Variants in SPIDR observed in about 807,000 individuals in gnomAD.
SPIDR encodes the protein DNA repair-scaffolding protein.
In SPIDR, 93 loss-of-function variants were observed where a neutral mutation model predicts 104.6. That is an observed-to-expected ratio of 0.89 (90% CI 0.75 to 1.06). The LOEUF is 1.06. SPIDR is among the 50% of genes least tolerant of loss of function. SPIDR has a pLI of 0.00. For missense variants in SPIDR, 1,154 were observed against 1,111.2 expected, an observed-to-expected ratio of 1.04 and a Z score of -0.55; for synonymous variants, 431 against 416.9, an observed-to-expected ratio of 1.03 and a Z score of -0.41.
At chr8:47,379,109 C>T (rs1462535233) in intron 5 of SPIDR, among the ~76,000 whole-genome samples, 3 of 152,108 alleles carry the variant, frequency 2.0e-5, no homozygotes, top group Non-Finnish European at 2.9e-5. Flanking sequence ...GTGGGGCCAG[C>T]GAGCAGAGCA....
chr8:47,526,212 G>A (rs966968137), intron 8 of SPIDR, among the ~76,000 whole-genome samples: 2 of 152,200 alleles, frequency 1.3e-5, no homozygotes, highest in African/African-American at 4.8e-5. Flanking sequence ...TTGCAATGAT[G>A]CCTGGGGTCA....
intron 7 of SPIDR, among the ~76,000 whole-genome samples, chr8:47,414,341 A>G (rs1007919373): frequency 1.3e-5 from 2 of 152,236 alleles, no homozygotes; most frequent in Non-Finnish European, 2.9e-5. Context: ...GTGGTCCAGA[A>G]TGAAGGGAGA....
intron 8 of SPIDR, among the ~76,000 whole-genome samples, chr8:47,583,698 A>AT (rs2059978370): frequency 6.6e-6 from 1 of 152,170 alleles, no homozygotes; most frequent in Non-Finnish European, 1.5e-5. Context: ...CAGAACATGA[A>AT]TTTTTTCTGC....
In SPIDR at chr8:47,617,606, A is replaced by G. The variant is rs79648658; in HGVS notation, c.1544+18410A>G. Among the ~76,000 whole-genome samples, 1,314 of 152,310 alleles carry G rather than the reference A, an allele frequency of 8.6e-3. 17 individuals carry two copies. The highest frequency in any genetic ancestry group is 0.023 in the South Asian group (109 of 4,822). On this transcript the variant is annotated intron_variant, in intron 10 of 19. Coordinates refer to ENST00000297423, the MANE Select transcript of SPIDR (RefSeq NM_001080394.4). ...CCTGTTGTAAGTTGCCTTTTGTTGC[A>G]AGTGTTAAATAGGATAATATATAAG...
intron 8 of SPIDR, among the ~76,000 whole-genome samples, chr8:47,571,248 A>C (rs960449953): frequency 6.6e-6 from 1 of 152,192 alleles, no homozygotes; most frequent in South Asian, 2.1e-4. Flanking sequence ...ATCTACAGTT[A>C]ATGTATATTT....
intron 7 of SPIDR, among the ~76,000 whole-genome samples, chr8:47,424,690 T>C (rs2066137732): frequency 6.6e-6 from 1 of 152,128 alleles, no homozygotes; most frequent in South Asian, 2.1e-4. Flanking sequence ...GAAGAACCAG[T>C]GATAACAAAG....
intron 7 of SPIDR, among the ~76,000 whole-genome samples, chr8:47,420,569 A>G (rs954278589): frequency 2.6e-5 from 4 of 152,010 alleles, no homozygotes; most frequent in Admixed American, 1.3e-4. Context: ...TCTTTATCCA[A>G]TTTGCCAGTC....
intron 8 of SPIDR, among the ~76,000 whole-genome samples, chr8:47,476,063 C>T (rs2076254464): frequency 2.6e-5 from 4 of 152,058 alleles, no homozygotes; most frequent in Admixed American, 2.6e-4. Context: ...TCAGGCAGGA[C>T]CAATTTAAGG....
intron 7 of SPIDR, among the ~76,000 whole-genome samples, chr8:47,433,197 T>C (rs1217131961): frequency 6.6e-6 from 1 of 152,156 alleles, no homozygotes; most frequent in African/African-American, 2.4e-5. Flanking sequence ...AAAGAATATC[T>C]AGAATCTGAG....
At chr8:47,568,362 T>C (rs2058138970) in intron 8 of SPIDR, among the ~76,000 whole-genome samples, 1 of 152,134 alleles carries the variant, frequency 6.6e-6, no homozygotes, top group African/African-American at 2.4e-5. Context: ...TCAGTAAATA[T>C]TAGTTGTTAT....
intron 4 of SPIDR, among the ~76,000 whole-genome samples, chr8:47,293,348 A>T (rs1477151725): frequency 6.6e-6 from 1 of 152,232 alleles, no homozygotes; most frequent in Non-Finnish European, 1.5e-5. Flanking sequence ...CTCTACAAAG[A>T]TACAGAAACA....
intron 1 of SPIDR, among the ~76,000 whole-genome samples, chr8:47,269,752 G>A (rs2034907457): frequency 6.6e-6 from 1 of 152,172 alleles, no homozygotes; most frequent in African/African-American, 2.4e-5. Flanking sequence ...TAGGGATAAA[G>A]CATCCAGTAT....
intron 7 of SPIDR, among the ~76,000 whole-genome samples, chr8:47,411,853 A>G (rs1379829071): frequency 6.6e-6 from 1 of 152,214 alleles, no homozygotes; most frequent in Non-Finnish European, 1.5e-5. Flanking sequence ...GAAGGGATCC[A>G]GTTTCAGCTT....
At chr8:47,547,069 A>T (rs1421525391) in intron 8 of SPIDR, 1 of 528,028 alleles carries the variant, frequency 1.9e-6, no homozygotes, top group East Asian at 4.7e-5. Flanking sequence ...CCAGTGTCAA[A>T]CTTGATGAAA....
intron 8 of SPIDR, among the ~76,000 whole-genome samples, chr8:47,476,144 T>C (rs1181944752): frequency 1.3e-5 from 2 of 152,168 alleles, no homozygotes; most frequent in Non-Finnish European, 2.9e-5. Flanking sequence ...TGTTACAGTG[T>C]CGAAGTGTGA....
chr8:47,511,782 A>G (rs989331059), intron 8 of SPIDR: 30 of 1,246,640 alleles, frequency 2.4e-5, no homozygotes, highest in Non-Finnish European at 3.3e-5. Flanking sequence ...CTTTAAAGAG[A>G]TCATCCACCA....
intron 9 of SPIDR, among the ~76,000 whole-genome samples, chr8:47,598,575 T>G (rs1032779665): frequency 2.6e-5 from 4 of 152,216 alleles, no homozygotes; most frequent in Non-Finnish European, 4.4e-5. Flanking sequence ...TAGTCATTCT[T>G]TTATCTTCAT....
At chr8:47,530,491 A>T (rs967689732) in intron 8 of SPIDR, among the ~76,000 whole-genome samples, 5 of 152,104 alleles carry the variant, frequency 3.3e-5, no homozygotes, top group Admixed American at 6.6e-5. Context: ...GAAAAAAAAA[A>T]TATCTAAACA....
chr8:47,500,961 G>A (rs1404583575), intron 8 of SPIDR, among the ~76,000 whole-genome samples: 4 of 152,188 alleles, frequency 2.6e-5, no homozygotes, highest in African/African-American at 7.2e-5. Flanking sequence ...GTAGATATGC[G>A]GCATTATTTC....
Sources: gnomAD v4.1 joint callset for allele counts (sites outside exome capture counted in the v4.1 genomes callset) on GRCh38, gnomAD v4.1.1 for gene constraint, MANE v1.5 for transcripts, NCBI Gene and HGNC (gene_info 2026-07-23, HGNC 2026-07-21) for gene names.